Variants in ME3 observed in about 807,000 individuals in gnomAD.
ME3 encodes the protein malic enzyme 3.
ME3 carries 48 observed loss-of-function variants against 68.9 expected under a neutral mutation model. The ratio of observed to expected loss-of-function variants is 0.70; its 90% CI spans 0.55 to 0.89. The LOEUF (loss-of-function observed/expected upper bound fraction) is 0.89, where lower values mean the gene tolerates loss of function less well. Among genes scored for constraint, ME3 ranks in the 40% least tolerant of loss-of-function variants. The pLI, the probability that ME3 is intolerant of heterozygous loss-of-function variation, is 0.00. For missense variants in ME3, 675 were observed against 797.4 expected (o/e 0.85, Z 1.85); for synonymous variants, 320 against 318.8 (o/e 1.00, Z -0.04).
chr11:86,661,626 C>T (rs1422600793), intron 2 of ME3, among the ~76,000 whole-genome samples: 1 of 152,192 alleles, frequency 6.6e-6, no homozygotes, highest in Non-Finnish European at 1.5e-5. Flanking sequence ...TCTCCTCCAC[C>T]ATCTTCATCT....
intron 1 of ME3, 25 bp from the exon 2 acceptor site, chr11:86,671,983 C>G (rs1946981674): frequency 2.9e-6 from 4 of 1,368,020 alleles, no homozygotes; most frequent in Non-Finnish European, 3.7e-6. Context: ...AAAGCAAGGT[C>G]AGGGCCTCCT....
chr11:86,648,407 T>C (rs1019516573), intron 2 of ME3, among the ~76,000 whole-genome samples: 5 of 151,692 alleles, frequency 3.3e-5, no homozygotes, highest in African/African-American at 1.2e-4. Context: ...AACATCACAA[T>C]TAAAAGAACT....
At chr11:86,537,371 GT>G (rs1955751074) in intron 4 of ME3, among the ~76,000 whole-genome samples, 1 of 151,744 alleles carries the variant, frequency 6.6e-6, no homozygotes, top group African/African-American at 2.4e-5. Context: ...TGCAAATTAA[GT>G]TTGATTCAAA....
chr11:86,630,243 A>G (rs1943927578), intron 2 of ME3, among the ~76,000 whole-genome samples: 2 of 152,186 alleles, frequency 1.3e-5, no homozygotes, highest in African/African-American at 4.8e-5. Flanking sequence ...AATAAAGGGA[A>G]AAAGCAAGCA....
At chr11:86,585,243 A>G (rs1460113434) in intron 2 of ME3, among the ~76,000 whole-genome samples, 1 of 152,220 alleles carries the variant, frequency 6.6e-6, no homozygotes, top group Non-Finnish European at 1.5e-5. Context: ...TGTTCTTTAG[A>G]AAAGATCATT....
At chr11:86,475,621 A>C (rs1213584912) in intron 7 of ME3, among the ~76,000 whole-genome samples, 5 of 152,026 alleles carry the variant, frequency 3.3e-5, no homozygotes, top group Non-Finnish European at 7.4e-5. Flanking sequence ...TAATTGGATA[A>C]GTTTTCCTTA....
chr11:86,529,727 T>C (rs1299447950), intron 4 of ME3, among the ~76,000 whole-genome samples: 3 of 152,120 alleles, frequency 2.0e-5, no homozygotes, highest in African/African-American at 4.8e-5. Flanking sequence ...AACTGTAATC[T>C]AGCATATAAA....
At chr11:86,665,872 A>T (rs1294361505) in intron 2 of ME3, among the ~76,000 whole-genome samples, 1 of 152,218 alleles carries the variant, frequency 6.6e-6, no homozygotes, top group Non-Finnish European at 1.5e-5. Flanking sequence ...AGATCTAAGC[A>T]TCTAGAGGAG....
intron 4 of ME3, among the ~76,000 whole-genome samples, chr11:86,543,019 A>G (rs1409513252): frequency 6.6e-6 from 1 of 152,340 alleles, no homozygotes; most frequent in African/African-American, 2.4e-5. Flanking sequence ...TAAAGAAAAC[A>G]ATTTTCAACC....
At chr11:86,576,572 C>T (rs1301086049) in intron 2 of ME3, among the ~76,000 whole-genome samples, 3 of 152,202 alleles carry the variant, frequency 2.0e-5, no homozygotes, top group Non-Finnish European at 2.9e-5. Flanking sequence ...GCACTGTCCC[C>T]TGCAGTACTG....
chr11:86,628,414 T>C (rs148353595), intron 2 of ME3, among the ~76,000 whole-genome samples: 1 of 152,374 alleles, frequency 6.6e-6, no homozygotes, highest in Non-Finnish European at 1.5e-5. Flanking sequence ...CAGTTGTTCT[T>C]AGTTTTGGCT....
At chr11:86,557,824 C>T (rs1489581657) in intron 3 of ME3, among the ~76,000 whole-genome samples, 6 of 152,140 alleles carry the variant, frequency 3.9e-5, no homozygotes, top group African/African-American at 9.7e-5. Context: ...AAACTGGTAA[C>T]CTGAAATCAG....
chr11:86,439,504 A>C (rs980147736), downstream of ME3, among the ~76,000 whole-genome samples: 5 of 152,224 alleles, frequency 3.3e-5, no homozygotes, highest in Non-Finnish European at 7.3e-5. Context: ...TGCCGTTTCC[A>C]GGCAGAAAGC....
intron 2 of ME3, among the ~76,000 whole-genome samples, chr11:86,603,754 A>G (rs1307939885): frequency 1.3e-5 from 2 of 152,012 alleles, no homozygotes; most frequent in African/African-American, 4.8e-5. Flanking sequence ...ACCATGGAAT[A>G]CTATGCAGCC....
rs533349002 is a variant in ME3, at chr11:86,648,877, T to C, written c.183+22885A>G. On this transcript the variant is annotated intron_variant, in intron 2 of 14. Transcript: ENST00000543262. ...AGGACCAGGCGGATTCACAGCCAAA[T>C]TCCACCAGAGGTACAAAGAGGAGCT... Among the ~76,000 whole-genome samples, 734 of 152,280 alleles carry C rather than the reference T, an allele frequency of 4.8e-3. 11 individuals carry two copies. The highest frequency in any genetic ancestry group is 0.017 in the African/African-American group (710 of 41,540).
intron 3 of ME3, among the ~76,000 whole-genome samples, chr11:86,558,840 A>G (rs1452918034): frequency 2.0e-5 from 3 of 152,202 alleles, no homozygotes; most frequent in Admixed American, 6.5e-5. Context: ...AGTTTTCCCT[A>G]TGGTACTCAT....
chr11:86,556,329 G>C (rs1190836810), intron 4 of ME3, among the ~76,000 whole-genome samples: 5 of 152,156 alleles, frequency 3.3e-5, no homozygotes, highest in African/African-American at 9.7e-5. Flanking sequence ...ATTATTTGGA[G>C]GTGAAGAAGA....
intron 14 of ME3, among the ~76,000 whole-genome samples, chr11:86,442,516 T>A (rs545383373): frequency 2.0e-5 from 3 of 152,298 alleles, no homozygotes; most frequent in Non-Finnish European, 4.4e-5. Flanking sequence ...ACCTTTCTTA[T>A]AAATGGGCGC....
chr11:86,510,633 C>A (rs1410873555), intron 4 of ME3, among the ~76,000 whole-genome samples: 1 of 152,122 alleles, frequency 6.6e-6, no homozygotes, highest in Non-Finnish European at 1.5e-5. Flanking sequence ...CACATTGTAG[C>A]ATGTTTGGCA....
Sources: gnomAD v4.1 joint callset for allele counts (sites outside exome capture counted in the v4.1 genomes callset) on GRCh38, gnomAD v4.1.1 for gene constraint, MANE v1.5 for transcripts, NCBI Gene and HGNC (gene_info 2026-07-23, HGNC 2026-07-21) for gene names.